The following PARD3 variants were observed in gnomAD, a reference collection of about 807,000 sequenced individuals.
PARD3 encodes the protein par-3 family cell polarity regulator.
A neutral mutation model predicts 155.4 loss-of-function variants in PARD3; 75 were observed. The observed-to-expected ratio is 0.48, with a 90% CI of 0.40 to 0.58. The LOEUF (loss-of-function observed/expected upper bound fraction) is 0.58, where lower values mean the gene tolerates loss of function less well. Ranked by LOEUF, PARD3 falls within the 20% of genes least tolerant of loss-of-function variation. The pLI is 0.00. For missense variants in PARD3, 1,642 were observed against 1,721.7 expected (o/e 0.95, Z 0.82); for synonymous variants, 576 against 610.5 (o/e 0.94, Z 0.83).
intron 20 of PARD3, among the ~76,000 whole-genome samples, chr10:34,285,047 C>T (rs1458785015): frequency 6.6e-6 from 1 of 152,144 alleles, no homozygotes; most frequent in Non-Finnish European, 1.5e-5. Context: ...ATTCCTTTCC[C>T]TGCTCTGTTA....
intron 22 of PARD3, chr10:34,202,053 A>G (rs1165333421): frequency 6.6e-6 from 1 of 152,126 alleles, no homozygotes; most frequent in Non-Finnish European, 1.5e-5. Context: ...AGTTCTGATA[A>G]CCCACTACCA....
rs496660 is a variant in PARD3 at position 34,532,920 on chromosome 10, T to C, written c.223-15761A>G. Among the ~76,000 whole-genome samples, 643 of 152,304 alleles carry C rather than the reference T, an allele frequency of 4.2e-3. 5 individuals carry two copies. The highest frequency in any genetic ancestry group is 0.015 in the African/African-American group (614 of 41,566). Reference sequence around the variant, plus strand: ...ATTGTTGTGTGAACATCATAGAGTATATTACATAAACCTGGAGGTATACCC... The same window carrying C: ...ATTGTTGTGTGAACATCATAGAGTACATTACATAAACCTGGAGGTATACCC... On this transcript the variant is annotated intron_variant, in intron 2 of 24. Coordinates refer to ENST00000374788, the MANE Select transcript of PARD3 (RefSeq NM_001184785.2).
intron 10 of PARD3, among the ~76,000 whole-genome samples, chr10:34,375,234 T>C (rs772808544): frequency 9.9e-5 from 15 of 152,170 alleles, no homozygotes; most frequent in Non-Finnish European, 1.9e-4. Flanking sequence ...GTCAATCTTT[T>C]AGTGTTCATC....
chr10:34,119,522 C>G, intron 24 of PARD3, 91 bp downstream of exon 24: 1 of 1,301,054 alleles, frequency 7.7e-7, no homozygotes, highest in Non-Finnish European at 1.0e-6. Flanking sequence ...GCTGGAGAGG[C>G]CCCAGTGACT....
At chr10:34,168,883 T>C (rs1383607508) in intron 22 of PARD3, among the ~76,000 whole-genome samples, 5 of 152,214 alleles carry the variant, frequency 3.3e-5, no homozygotes, top group African/African-American at 1.2e-4. Context: ...TGTTCCTGCT[T>C]CCTAATTATG....
intron 2 of PARD3, among the ~76,000 whole-genome samples, chr10:34,610,303 A>G (rs2090785636): frequency 6.6e-6 from 1 of 152,222 alleles, no homozygotes; most frequent in Admixed American, 6.5e-5. Flanking sequence ...CTTGATTAGG[A>G]GGCCACCGAT....
At chr10:34,491,909 A>G (rs2079935911) in intron 3 of PARD3, among the ~76,000 whole-genome samples, 1 of 152,000 alleles carries the variant, frequency 6.6e-6, no homozygotes, top group Non-Finnish European at 1.5e-5. Flanking sequence ...ACTGGGGGGA[A>G]AAAAAATGAA....
intron 24 of PARD3, among the ~76,000 whole-genome samples, chr10:34,117,277 A>G (rs1157391616): frequency 6.6e-6 from 1 of 152,228 alleles, no homozygotes; most frequent in Non-Finnish European, 1.5e-5. Context: ...GCCAATAAAA[A>G]TAAGAACACA....
chr10:34,813,156 T>C (rs1483321886), intron 1 of PARD3, among the ~76,000 whole-genome samples: 1 of 152,218 alleles, frequency 6.6e-6, no homozygotes, highest in East Asian at 1.9e-4. Flanking sequence ...AAACAGGCAG[T>C]TCAGCCTATG....
chr10:34,361,173 C>A (rs117203475), intron 12 of PARD3, among the ~76,000 whole-genome samples: 1 of 152,276 alleles, frequency 6.6e-6, no homozygotes, highest in African/African-American at 2.4e-5. Context: ...TGGTCATGTC[C>A]AAATCAGTAA....
At chr10:34,785,087 T>G (rs1326375475) in intron 1 of PARD3, among the ~76,000 whole-genome samples, 1 of 152,258 alleles carries the variant, frequency 6.6e-6, no homozygotes, top group African/African-American at 2.4e-5. Flanking sequence ...AGAAAAATTC[T>G]ATATGTGGAC....
chr10:34,453,849 A>G (rs1412643562), intron 4 of PARD3, among the ~76,000 whole-genome samples: 1 of 152,246 alleles, frequency 6.6e-6, no homozygotes, highest in African/African-American at 2.4e-5. Context: ...AAGAGAAAGA[A>G]TGGCTGAAGA....
intron 5 of PARD3, chr10:34,426,667 CT>C (rs1415205579): frequency 6.6e-6 from 1 of 152,054 alleles, no homozygotes; most frequent in Admixed American, 6.6e-5. Context: ...AATGAATGTC[CT>C]TTTTCTTCAC....
intron 22 of PARD3, among the ~76,000 whole-genome samples, chr10:34,195,760 A>G (rs560853016): frequency 5.0e-4 from 76 of 152,208 alleles, no homozygotes; most frequent in Non-Finnish European, 8.5e-4. Context: ...TCCAAATTTT[A>G]GGAAGAGGTA....
intron 22 of PARD3, among the ~76,000 whole-genome samples, chr10:34,257,475 T>A (rs1288545930): frequency 6.6e-6 from 1 of 152,234 alleles, no homozygotes; most frequent in Non-Finnish European, 1.5e-5. Context: ...TTGGAGCTTT[T>A]GTTAGAAGGC....
chr10:34,709,559 C>T (rs530918628), intron 1 of PARD3, among the ~76,000 whole-genome samples: 15 of 152,220 alleles, frequency 9.9e-5, no homozygotes, highest in East Asian at 9.6e-4. Context: ...GTGGTGGAGG[C>T]GGGGGCCACA....
intron 2 of PARD3, among the ~76,000 whole-genome samples, chr10:34,546,792 T>C (rs2084110874): frequency 6.6e-6 from 1 of 152,206 alleles, no homozygotes; most frequent in South Asian, 2.1e-4. Flanking sequence ...TATTATTTCA[T>C]AAATTTTTTT....
intron 20 of PARD3, among the ~76,000 whole-genome samples, chr10:34,292,842 A>G (rs1424125605): frequency 1.3e-5 from 2 of 152,124 alleles, no homozygotes; most frequent in African/African-American, 4.8e-5. Flanking sequence ...TGTCCTTATA[A>G]GTGCACTCCT....
intron 19 of PARD3, 95 bp downstream of exon 19, chr10:34,331,022 T>C: frequency 1.2e-6 from 1 of 852,190 alleles, no homozygotes; most frequent in Non-Finnish European, 1.9e-6. Flanking sequence ...GAGATTACCC[T>C]GAAGAATCTT....
Sources: gnomAD v4.1 joint callset for allele counts (sites outside exome capture counted in the v4.1 genomes callset) on GRCh38, gnomAD v4.1.1 for gene constraint, MANE v1.5 for transcripts, NCBI Gene and HGNC (gene_info 2026-07-23, HGNC 2026-07-21) for gene names.